Variants in FAF1 observed in about 807,000 individuals in gnomAD.
FAF1 encodes the protein Fas associated factor 1, also known as FAS-associated factor 1.
In FAF1, 25 loss-of-function variants were observed where a neutral mutation model predicts 92.5. The observed-to-expected ratio is 0.27, with a 90% CI of 0.20 to 0.38. The LOEUF is 0.38. Among genes scored for constraint, FAF1 ranks in the 10% least tolerant of loss-of-function variants. FAF1 has a pLI of 1.00. For synonymous variants in FAF1, 234 were observed against 273.2 expected, an observed-to-expected ratio of 0.86 and a Z score of 1.42; for missense variants, 636 against 793.3, an observed-to-expected ratio of 0.80 and a Z score of 2.38.
chr1:50,719,739 A>G (rs1658329927), intron 6 of FAF1, among the ~76,000 whole-genome samples: 3 of 152,226 alleles, frequency 2.0e-5, no homozygotes, highest in Admixed American at 2.0e-4. Context: ...TTTGTTTCCT[A>G]GAGTAGTGAC....
chr1:50,768,833 G>T (rs1660673576), intron 4 of FAF1, among the ~76,000 whole-genome samples: 1 of 152,096 alleles, frequency 6.6e-6, no homozygotes. Context: ...CAAAAAGTTA[G>T]AAAGACCTCA....
At chr1:50,758,345 C>T (rs2090013) in intron 4 of FAF1, among the ~76,000 whole-genome samples, 7 of 152,318 alleles carry the variant, frequency 4.6e-5, no homozygotes, top group Admixed American at 3.3e-4. Context: ...TAAGCCACCA[C>T]GCCCAGCACA....
chr1:50,786,687 A>T (rs1661376851), intron 4 of FAF1, among the ~76,000 whole-genome samples: 1 of 152,236 alleles, frequency 6.6e-6, no homozygotes, highest in Non-Finnish European at 1.5e-5. Flanking sequence ...TCTACATAGA[A>T]GAAGAAACAA....
At chr1:50,953,713 T>C (rs1645239594) in intron 1 of FAF1, among the ~76,000 whole-genome samples, 1 of 151,580 alleles carries the variant, frequency 6.6e-6, no homozygotes, top group Non-Finnish European at 1.5e-5. Context: ...CACTACAGCC[T>C]GGGCAACAAA....
At chr1:50,870,333 T>G (rs1644517198) in intron 1 of FAF1, among the ~76,000 whole-genome samples, 1 of 152,204 alleles carries the variant, frequency 6.6e-6, no homozygotes, top group South Asian at 2.1e-4. Context: ...AGCATGTGCC[T>G]GTAGTCCCAG....
intron 2 of FAF1, among the ~76,000 whole-genome samples, chr1:50,804,730 C>T (rs560066180): frequency 4.6e-5 from 7 of 152,002 alleles, no homozygotes; most frequent in Admixed American, 3.9e-4. Flanking sequence ...GCTTTTTTTC[C>T]CTCCATAAGA....
At chr1:50,671,416 A>C (rs1569727728) in intron 7 of FAF1, among the ~76,000 whole-genome samples, 1 of 152,308 alleles carries the variant, frequency 6.6e-6, no homozygotes, top group South Asian at 2.1e-4. Context: ...AAAAAAAAAA[A>C]AAGGTAAAGT....
chr1:50,734,031 A>G (rs1659037942), intron 6 of FAF1, among the ~76,000 whole-genome samples: 1 of 152,204 alleles, frequency 6.6e-6, no homozygotes, highest in Non-Finnish European at 1.5e-5. Flanking sequence ...TCTTGACCTC[A>G]AGCAATCCAC....
At chr1:50,945,195 G>C (rs2124757333) in intron 1 of FAF1, among the ~76,000 whole-genome samples, 1 of 152,294 alleles carries the variant, frequency 6.6e-6, no homozygotes, top group South Asian at 2.1e-4. Context: ...CTGTTAGACT[G>C]CAAACAGTCC....
intron 6 of FAF1, among the ~76,000 whole-genome samples, chr1:50,709,543 A>T (rs1657828185): frequency 6.6e-6 from 1 of 152,194 alleles, no homozygotes; most frequent in Non-Finnish European, 1.5e-5. Flanking sequence ...ACAAAATTAT[A>T]CTTCTGAAAG....
chr1:50,763,738 C>T (rs370722446), intron 4 of FAF1, among the ~76,000 whole-genome samples: 3 of 152,174 alleles, frequency 2.0e-5, no homozygotes, highest in Non-Finnish European at 2.9e-5. Context: ...CATAATGTAT[C>T]GACATTTTGT....
chr1:50,586,972 A>C (rs1651264616), intron 9 of FAF1, among the ~76,000 whole-genome samples: 1 of 152,226 alleles, frequency 6.6e-6, no homozygotes, highest in East Asian at 1.9e-4. Flanking sequence ...AAATCTTCTC[A>C]CATCCTCTAT....
intron 1 of FAF1, 66 bp from the exon 2 acceptor site, chr1:50,858,063 A>G (rs1644404103): frequency 1.8e-5 from 19 of 1,077,652 alleles, no homozygotes; most frequent in Non-Finnish European, 2.5e-5. Context: ...TCAGACTTAA[A>G]AATGTAAATA....
At chr1:50,600,570 T>G in intron 8 of FAF1, among the ~76,000 whole-genome samples, 1 of 152,164 alleles carries the variant, frequency 6.6e-6, no homozygotes, top group East Asian at 1.9e-4. Context: ...TTTAGGAAAC[T>G]ACCACTTCTC....
chr1:50,712,054 G>T (rs2124436504), intron 6 of FAF1, among the ~76,000 whole-genome samples: 1 of 152,282 alleles, frequency 6.6e-6, no homozygotes, highest in South Asian at 2.1e-4. Flanking sequence ...AGGTAGCAAT[G>T]ACCTAGGTCT....
At chr1:50,494,501 G>A (rs1327480573) in intron 15 of FAF1, among the ~76,000 whole-genome samples, 1 of 152,220 alleles carries the variant, frequency 6.6e-6, no homozygotes, top group Non-Finnish European at 1.5e-5. Context: ...TTCAGAAACA[G>A]GTCTTACGTG....
intron 7 of FAF1, among the ~76,000 whole-genome samples, chr1:50,660,088 A>G (rs1406268938): frequency 6.6e-6 from 1 of 152,222 alleles, no homozygotes; most frequent in African/African-American, 2.4e-5. Context: ...AAGCTACTCA[A>G]TATAAAATTA....
Position 50,648,880 on chromosome 1 carries a change from C to A in FAF1, c.744+6562G>T, listed in dbSNP as rs541436962. Among the ~76,000 whole-genome samples the A allele has an allele frequency of 2.6e-5, 4 of 152,284 alleles. No homozygotes were observed. The South Asian group carries it at 6.2e-4, about 24-fold the overall frequency. ...GGCGGAGGTTGCGGTGAGCCAAGAT[C>A]GTGCCATTGCACTCCAGCCTGGGTA... is the stretch of plus-strand genomic sequence containing the variant. On this transcript the variant is annotated intron_variant, in intron 8 of 18. Coordinates refer to ENST00000396153, the MANE Select transcript of FAF1 (RefSeq NM_007051.3).
intron 6 of FAF1, among the ~76,000 whole-genome samples, chr1:50,732,406 T>A (rs1334939144): frequency 6.6e-6 from 1 of 152,182 alleles, no homozygotes; most frequent in African/African-American, 2.4e-5. Flanking sequence ...AGATTTTGTG[T>A]TCAATGTGGA....
Sources: allele counts gnomAD v4.1 joint callset (sites outside exome capture counted in the v4.1 genomes callset), GRCh38; gene constraint gnomAD v4.1.1; transcripts MANE v1.5; gene names NCBI Gene and HGNC (gene_info 2026-07-23, HGNC 2026-07-21).